MPHOSPH9: variants seen among roughly 807,000 people sequenced by gnomAD.
The protein encoded by MPHOSPH9 is M-phase phosphoprotein 9.
In MPHOSPH9, 88 loss-of-function variants were observed where a neutral mutation model predicts 145.5. The observed-to-expected ratio is 0.60, with a 90% CI of 0.51 to 0.72. The LOEUF (loss-of-function observed/expected upper bound fraction) is 0.72, where lower values mean the gene tolerates loss of function less well. Among genes scored for constraint, MPHOSPH9 ranks in the 30% least tolerant of loss-of-function variants. The probability of loss-of-function intolerance (pLI) is 0.00; values close to 1 mark genes in which losing one functional copy is unlikely to be tolerated. For synonymous variants in MPHOSPH9, 435 were observed against 486.2 expected (o/e 0.89, Z 1.39); for missense variants, 1,238 against 1,386.6 (o/e 0.89, Z 1.70).
chr12:123,175,073 A>G (rs1242666572), intron 16 of MPHOSPH9, among the ~76,000 whole-genome samples: 1 of 152,146 alleles, frequency 6.6e-6, no homozygotes. Context: ...TGGCAGGTAC[A>G]TTAATAAAAA....
chr12:123,179,968 T>C lies in MPHOSPH9; in HGVS notation c.2312A>G (p.Asn771Ser). Residue 771 changes from asparagine to serine, a missense_variant, in exon 15 of 24, where the codon AAC becomes AGC. Physicochemically the swap from Asn to Ser is conservative, Grantham distance 46. This residue lies in a region of MPHOSPH9 where 837 missense variants were observed against 897.5 expected (regional missense o/e 0.93). Transcript: ENST00000606320. ...CTGAGTATATGCATCAAGCAATTTGTTCTCAGTTGTATTTAATGCATCCTA... is the reference window on the plus strand; with the variant it reads ...CTGAGTATATGCATCAAGCAATTTGCTCTCAGTTGTATTTAATGCATCCTA... ...RVKDALNTTE[N>S]KLLDAYTQIS... The C allele has an allele frequency of 4.1e-6, 6 of 1,448,834 alleles. No individual in the cohort carries two copies. The highest frequency in any genetic ancestry group is 5.6e-6 in the Non-Finnish European group (6 of 1,072,746). 89.7% of individuals were successfully genotyped at this position (1,448,834 alleles called of 1,614,324 possible).
intron 3 of MPHOSPH9, among the ~76,000 whole-genome samples, chr12:123,226,519 T>A (rs2047441215): frequency 6.6e-6 from 1 of 150,430 alleles, no homozygotes; most frequent in Non-Finnish European, 1.5e-5. Flanking sequence ...AATTTATATA[T>A]ACTTTTTTTT....
chr12:123,220,464 T>A (rs1046551545), intron 5 of MPHOSPH9, among the ~76,000 whole-genome samples: 3 of 150,274 alleles, frequency 2.0e-5, no homozygotes, highest in Non-Finnish European at 4.4e-5. Context: ...CTCAGGAGAC[T>A]TAAGGCAGGA....
intron 16 of MPHOSPH9, among the ~76,000 whole-genome samples, chr12:123,170,227 C>T (rs1215868196): frequency 6.6e-6 from 1 of 152,012 alleles, no homozygotes; most frequent in Admixed American, 6.6e-5. Context: ...ACTGCAACCT[C>T]CGCCTCTCAG....
chr12:123,199,098 T>C (rs1277094377), intron 11 of MPHOSPH9, among the ~76,000 whole-genome samples: 1 of 151,924 alleles, frequency 6.6e-6, no homozygotes, highest in East Asian at 1.9e-4. Context: ...CTTAACCTTC[T>C]GGGATCAAGC....
chr12:123,169,358 G>T lies in MPHOSPH9; in HGVS notation c.2457-2569C>A, dbSNP rs111435071. ...AAAATGCAAAATAAAAATTAGCCAG[G>T]TGTGGTGACGGGCACCTGTAGTCCC... is the stretch of plus-strand genomic sequence containing the variant. On this transcript the variant is annotated intron_variant, in intron 16 of 23. Transcript: ENST00000606320. Among the ~76,000 whole-genome samples, 195 of 151,588 alleles carry T rather than the reference G, an allele frequency of 1.3e-3. 1 individual carries two copies. The highest frequency in any genetic ancestry group is 4.5e-3 in the African/African-American group (185 of 41,490).
intron 16 of MPHOSPH9, among the ~76,000 whole-genome samples, chr12:123,171,736 G>A (rs2044591619): frequency 6.6e-6 from 1 of 151,868 alleles, no homozygotes; most frequent in Non-Finnish European, 1.5e-5. Flanking sequence ...GTGACACAGC[G>A]AGACTCCATC....
chr12:123,193,621 A>T (rs71456789), intron 13 of MPHOSPH9, among the ~76,000 whole-genome samples: 65 of 152,302 alleles, frequency 4.3e-4, no homozygotes, highest in Middle Eastern at 6.8e-3. Flanking sequence ...GTTTCTAAGA[A>T]CAAAAAGAAA....
chr12:123,217,142 C>A (rs1203668016), intron 6 of MPHOSPH9, among the ~76,000 whole-genome samples: 1 of 151,934 alleles, frequency 6.6e-6, no homozygotes, highest in East Asian at 1.9e-4. Context: ...AAGGGCCATA[C>A]AGAATTTCAA....
chr12:123,163,477 C>T (rs926306075), intron 19 of MPHOSPH9: 14 of 217,008 alleles, frequency 6.5e-5, no homozygotes, highest in South Asian at 2.8e-4. Context: ...GGTGTGAAAA[C>T]GGAAATTCAG....
downstream of MPHOSPH9, chr12:123,152,920 A>G (rs746071800): frequency 6.4e-6 from 1 of 155,914 alleles, no homozygotes; most frequent in Non-Finnish European, 1.4e-5. Flanking sequence ...ATTGAAATCT[A>G]GTGAAAACTT....
At chr12:123,217,280 C>G (rs532907449) in intron 6 of MPHOSPH9, among the ~76,000 whole-genome samples, 6 of 152,032 alleles carry the variant, frequency 3.9e-5, no homozygotes, top group African/African-American at 1.4e-4. Context: ...TCACTGCAAC[C>G]TCTGTCTCCC....
chr12:123,235,737 C>T (rs1457886923), upstream of MPHOSPH9, among the ~76,000 whole-genome samples: 1 of 151,846 alleles, frequency 6.6e-6, no homozygotes, highest in African/African-American at 2.4e-5. Context: ...TACTCTTTCC[C>T]CCTTCTCTAC....
intron 13 of MPHOSPH9, among the ~76,000 whole-genome samples, chr12:123,185,306 C>G (rs188295708): frequency 4.0e-5 from 6 of 148,288 alleles, no homozygotes; most frequent in Admixed American, 4.0e-4. Flanking sequence ...AATGATCAAT[C>G]AGAAAAAGAG....
intron 13 of MPHOSPH9, among the ~76,000 whole-genome samples, 154 bp downstream of exon 13, chr12:123,194,232 G>C (rs1225092012): frequency 3.9e-5 from 6 of 152,104 alleles, no homozygotes; most frequent in African/African-American, 1.4e-4. Context: ...TCCTGCCACT[G>C]CACTCCAGCC....
intron 16 of MPHOSPH9, among the ~76,000 whole-genome samples, chr12:123,169,033 C>T (rs938544110): frequency 5.9e-5 from 9 of 151,686 alleles, no homozygotes; most frequent in South Asian, 2.1e-4. Flanking sequence ...TACAGGCGCC[C>T]ACCACCACGC....
chr12:123,179,304 G>A (rs999648166), intron 15 of MPHOSPH9, among the ~76,000 whole-genome samples: 3 of 152,098 alleles, frequency 2.0e-5, no homozygotes, highest in Admixed American at 2.0e-4. Flanking sequence ...GCCGGGCTCC[G>A]TGGCTTATGC....
intron 13 of MPHOSPH9, among the ~76,000 whole-genome samples, chr12:123,186,132 C>G (rs1031982963): frequency 6.8e-6 from 1 of 146,066 alleles, no homozygotes; most frequent in African/African-American, 2.6e-5. Context: ...GAGGCTGAGG[C>G]GGGAGCATTG....
chr12:123,178,062 G>A (rs1203560960), intron 15 of MPHOSPH9, among the ~76,000 whole-genome samples: 3 of 152,118 alleles, frequency 2.0e-5, no homozygotes, highest in Non-Finnish European at 4.4e-5. Flanking sequence ...CCCTTTAAGA[G>A]ATGAGGTCTC....
Sources: gnomAD v4.1 joint callset for allele counts (sites outside exome capture counted in the v4.1 genomes callset) on GRCh38, gnomAD v4.1.1 for gene constraint, gnomAD v4.1.1 regional missense constraint, MANE v1.5 for transcripts, NCBI Gene and HGNC (gene_info 2026-07-23, HGNC 2026-07-21) for gene names.